The following HEMK2 variants were observed in gnomAD, a reference collection of about 807,000 sequenced individuals.
The protein encoded by HEMK2 is HemK methyltransferase 2, ETF1 glutamine and histone H4 lysine.
At chr21:28,793,926 G>T in the HEMK2 span, among the ~76,000 whole-genome samples, 1 of 152,180 alleles carries the variant, frequency 6.6e-6, no homozygotes, top group African/African-American at 2.4e-5. Flanking sequence ...CTCCACTCGA[G>T]CCTTCGGAGA....
At chr21:28,750,737 G>A in the HEMK2 span, among the ~76,000 whole-genome samples, 1 of 147,042 alleles carries the variant, frequency 6.8e-6, no homozygotes, top group Non-Finnish European at 1.5e-5. Context: ...CAAAGTCTCA[G>A]AGAAGTTAAG....
chr21:28,812,415 C>G, the HEMK2 span, among the ~76,000 whole-genome samples: 1 of 152,154 alleles, frequency 6.6e-6, no homozygotes, highest in African/African-American at 2.4e-5. Flanking sequence ...TGGTTTTTGT[C>G]ATTGGTTCTG....
chr21:28,866,175 A>AAAAAAAAAAAAAAAACAAAAAAAC, the HEMK2 span, among the ~76,000 whole-genome samples: 1 of 76,246 alleles, frequency 1.3e-5, no homozygotes, highest in African/African-American at 5.1e-5. Flanking sequence ...CAAAAAAAAA[A>AAAAAAAAAAAAAAAACAAAAAAAC]ACACACACAC....
At chr21:28,595,855 G>A in the HEMK2 span, among the ~76,000 whole-genome samples, 1 of 151,944 alleles carries the variant, frequency 6.6e-6, no homozygotes, top group Admixed American at 6.6e-5. Flanking sequence ...CGCGATCTTG[G>A]CTCACTGCAA....
the HEMK2 span, among the ~76,000 whole-genome samples, chr21:28,788,634 A>G: frequency 6.6e-6 from 1 of 151,360 alleles, no homozygotes; most frequent in Non-Finnish European, 1.5e-5. Flanking sequence ...CCAAGAACTT[A>G]CTCATGTAGC....
the HEMK2 span, among the ~76,000 whole-genome samples, chr21:28,758,222 G>A: frequency 0.19 from 29,388 of 152,090 alleles, 3,546 homozygotes; most frequent in African/African-American, 0.34. Context: ...TGACACCTTA[G>A]TATTCTAGTG....
the HEMK2 span, among the ~76,000 whole-genome samples, chr21:28,744,423 T>C: frequency 6.6e-6 from 1 of 152,160 alleles, no homozygotes; most frequent in South Asian, 2.1e-4. Context: ...AAGTCATTCA[T>C]GGTTAATTGC....
the HEMK2 span, among the ~76,000 whole-genome samples, chr21:28,858,209 C>T: frequency 6.6e-6 from 1 of 152,098 alleles, no homozygotes; most frequent in Non-Finnish European, 1.5e-5. Flanking sequence ...TTTGTTTGTA[C>T]CCTAGTCTAC....
the HEMK2 span, among the ~76,000 whole-genome samples, chr21:28,581,814 A>T: frequency 6.6e-6 from 1 of 152,190 alleles, no homozygotes; most frequent in Non-Finnish European, 1.5e-5. Context: ...TATCCAGCCA[A>T]ATTAAAAAGG....
At chr21:28,590,547 G>C in the HEMK2 span, among the ~76,000 whole-genome samples, 1 of 152,172 alleles carries the variant, frequency 6.6e-6, no homozygotes, top group Non-Finnish European at 1.5e-5. Context: ...TTCTATCATG[G>C]TGAACTGAAA....
At chr21:28,885,068 C>A in the HEMK2 span, 1 of 1,236,396 alleles carries the variant, frequency 8.1e-7, no homozygotes, top group East Asian at 2.7e-5. Context: ...TTCTCAATTA[C>A]GGCGTCCTGG....
At chr21:28,828,938 G>A in the HEMK2 span, among the ~76,000 whole-genome samples, 1 of 152,192 alleles carries the variant, frequency 6.6e-6, no homozygotes, top group Non-Finnish European at 1.5e-5. Context: ...AGGACAGGCT[G>A]AAAATGAGTG....
chr21:28,651,367 A>T, the HEMK2 span, among the ~76,000 whole-genome samples: 1 of 152,234 alleles, frequency 6.6e-6, no homozygotes, highest in Non-Finnish European at 1.5e-5. Flanking sequence ...GAAAAACTAT[A>T]AAAAATATTC....
the HEMK2 span, among the ~76,000 whole-genome samples, chr21:28,677,250 A>G: frequency 6.6e-6 from 1 of 152,320 alleles, no homozygotes. Flanking sequence ...AGAAGATTAT[A>G]TCCCACGCCT....
At chr21:28,855,766 T>C in the HEMK2 span, among the ~76,000 whole-genome samples, 15 of 152,180 alleles carry the variant, frequency 9.9e-5, no homozygotes, top group Non-Finnish European at 2.1e-4. Context: ...TGAATGACTT[T>C]TGGGTAAGCA....
chr21:28,797,482 C>CTGGGCACACTAA, the HEMK2 span, among the ~76,000 whole-genome samples: 4 of 150,760 alleles, frequency 2.7e-5, no homozygotes, highest in South Asian at 4.2e-4. Flanking sequence ...AACAAATTAG[C>CTGGGCACACTAA]TGTGTGCCTG....
At chr21:28,632,495 C>A in the HEMK2 span, among the ~76,000 whole-genome samples, 2 of 152,120 alleles carry the variant, frequency 1.3e-5, no homozygotes, top group Non-Finnish European at 2.9e-5. Flanking sequence ...GTTTCTTGAC[C>A]AATTATTCTC....
the HEMK2 span, among the ~76,000 whole-genome samples, chr21:28,591,258 G>A: frequency 6.6e-6 from 1 of 152,158 alleles, no homozygotes; most frequent in South Asian, 2.1e-4. Flanking sequence ...TAACAGCAGT[G>A]AACAGACACT....
At chr21:28,709,425 T>C in the HEMK2 span, among the ~76,000 whole-genome samples, 1 of 151,902 alleles carries the variant, frequency 6.6e-6, no homozygotes, top group Non-Finnish European at 1.5e-5. Flanking sequence ...TGAATGAGAG[T>C]CATAATATAG....
Sources: gnomAD v4.1 joint callset for allele counts (sites outside exome capture counted in the v4.1 genomes callset) on GRCh38, gnomAD v4.1.1 for gene constraint, MANE v1.5 for transcripts, NCBI Gene and HGNC (gene_info 2026-07-23, HGNC 2026-07-21) for gene names.